Variants in ZCCHC9 observed in about 807,000 individuals in gnomAD.
The protein encoded by ZCCHC9 is zinc finger CCHC-type containing 9.
A neutral mutation model predicts 30.8 loss-of-function variants in ZCCHC9; 18 were observed. That is an observed-to-expected ratio of 0.58 (90% CI 0.40 to 0.87). The LOEUF is 0.87. Among genes scored for constraint, ZCCHC9 ranks in the 40% least tolerant of loss-of-function variants. The pLI is 0.00. For missense variants in ZCCHC9, 279 were observed against 331.2 expected, an observed-to-expected ratio of 0.84 and a Z score of 1.22; for synonymous variants, 94 against 106.7, an observed-to-expected ratio of 0.88 and a Z score of 0.73.
In ZCCHC9 at chr5:81,304,862, CCT is replaced by C; in HGVS notation, c.106_107del (p.Leu36ThrfsTer4). On this transcript the variant is annotated frameshift_variant, in exon 2 of 6. Coordinates refer to ENST00000407610, the MANE Select transcript of ZCCHC9 (RefSeq NM_001131035.2). LOFTEE classifies it high-confidence loss of function. ...GATCCTTTGAGGGAACAAGCCAAAA[CCT>C]ACCAAAGCGTAAACAACTTGAAGCC... ...KGSFEGTSQN[L>X]PKRKQLEANR... 5 of 1,614,104 alleles carry C rather than the reference CCT, an allele frequency of 3.1e-6. No homozygotes were observed. The highest frequency in any genetic ancestry group is 4.2e-6 in the Non-Finnish European group (5 of 1,180,020).
chr5:81,308,022 A>ATAT (rs571429540), intron 2 of ZCCHC9, among the ~76,000 whole-genome samples: 1 of 68,360 alleles, frequency 1.5e-5, no homozygotes, highest in Non-Finnish European at 2.8e-5. Flanking sequence ...AAAAAAAAAA[A>ATAT]ATCTATCTAT....
chr5:81,311,074 C>T, intron 4 of ZCCHC9, 137 bp from the exon 5 acceptor site: 1 of 807,762 alleles, frequency 1.2e-6, no homozygotes, highest in African/African-American at 1.7e-5. Flanking sequence ...AATAGTGGCA[C>T]CTCCCTATGA....
chr5:81,311,007 G>A (rs1430535746), intron 4 of ZCCHC9, among the ~76,000 whole-genome samples: 2 of 152,150 alleles, frequency 1.3e-5, no homozygotes, highest in Non-Finnish European at 2.9e-5. Context: ...AGAAGCAGTG[G>A]GTGGGTACAA....
At position 81,308,937 on chromosome 5, in the gene ZCCHC9, T is replaced by C; in HGVS notation, c.536-9T>C. The C allele has an allele frequency of 1.9e-6, 3 of 1,611,690 alleles. No homozygotes were observed. Among genetic ancestry groups the C allele is most frequent in the South Asian group, 1.1e-5 (1 of 90,394 alleles). On this transcript the variant is annotated splice_polypyrimidine_tract_variant and intron_variant, in intron 3 of 5. Coordinates refer to ENST00000407610, the MANE Select transcript of ZCCHC9 (RefSeq NM_001131035.2). Reference sequence around the variant, plus strand: ...TTGTCAACTGAATAGGAACTGTTGATTTTTACAGGCGAATTTCCTTTTGCA... The same window carrying C: ...TTGTCAACTGAATAGGAACTGTTGACTTTTACAGGCGAATTTCCTTTTGCA...
intron 2 of ZCCHC9, among the ~76,000 whole-genome samples, chr5:81,306,676 A>G (rs1002331969): frequency 6.6e-6 from 1 of 152,212 alleles, no homozygotes; most frequent in Non-Finnish European, 1.5e-5. Context: ...TATACTAAGC[A>G]TCGGTCCTTA....
intron 3 of ZCCHC9, 46 bp downstream of exon 3, chr5:81,308,757 A>C (rs747174475): frequency 1.1e-5 from 17 of 1,578,328 alleles, no homozygotes; most frequent in Non-Finnish European, 1.5e-5. Flanking sequence ...GGGAAAGCCA[A>C]TAAATAGCAC....
chr5:81,308,207 C>CCTTTAGAAA (rs1329679541), intron 2 of ZCCHC9, among the ~76,000 whole-genome samples: 1 of 151,962 alleles, frequency 6.6e-6, no homozygotes, highest in African/African-American at 2.4e-5. Context: ...TAGCCACTGT[C>CCTTTAGAAA]CATTTCCTAT....
chr5:81,308,988 G>A lies in ZCCHC9; in HGVS notation c.578G>A (p.Gly193Glu), dbSNP rs1487230637. Residue 193 changes from glycine to glutamate, a missense_variant, in exon 4 of 6, where the codon GGG (glycine) becomes GAG (glutamate). By Grantham distance (98) the Gly-to-Glu change is moderately conservative (BLOSUM62 -2). Transcript: ENST00000407610. ...FAKCFVCGEM[G>E]HLSRSCPDNP... ...AAATGTTTTGTTTGTGGAGAAATGG[G>A]GCACCTGTCTAGATCTTGTCCTGAT... 2 of 1,613,194 alleles carry A rather than the reference G, an allele frequency of 1.2e-6. No individual in the cohort carries two copies. Among genetic ancestry groups the A allele is most frequent in the Non-Finnish European group, 1.7e-6 (2 of 1,179,740 alleles).
At chr5:81,305,263 G>A (rs905833603) in intron 2 of ZCCHC9, 122 bp downstream of exon 2, 15 of 1,344,018 alleles carry the variant, frequency 1.1e-5, no homozygotes, top group African/African-American at 5.9e-5. Flanking sequence ...ATAGAGCATC[G>A]TTTTAAGGAC....
chr5:81,304,762 C>A lies in ZCCHC9; in HGVS notation c.5C>A (p.Thr2Asn). The A allele has an allele frequency of 6.4e-7, 1 of 1,572,496 alleles. No individual in the cohort carries two copies. The highest frequency in any genetic ancestry group is 8.6e-7 in the Non-Finnish European group (1 of 1,162,396). The change falls in exon 2 of 6, where the codon ACC becomes AAC. Residue 2 changes from threonine to asparagine, a missense_variant. Thr to Asn is a moderately conservative substitution (Grantham distance 65). Coordinates refer to ENST00000407610, the MANE Select transcript of ZCCHC9 (RefSeq NM_001131035.2). ...TAAGGTACCACTGATGAAATTATGACCAGGTGGGCCCGAGTTAGTACCACA... is the reference window on the plus strand; with the variant it reads ...TAAGGTACCACTGATGAAATTATGAACAGGTGGGCCCGAGTTAGTACCACA... Reference protein sequence around the residue: MTRWARVSTTYN... With the variant: MNRWARVSTTYN...
intron 1 of ZCCHC9, chr5:81,303,566 A>G: frequency 6.2e-6 from 1 of 160,754 alleles, no homozygotes; most frequent in Non-Finnish European, 1.3e-5. Flanking sequence ...CAGGGGCAGT[A>G]ACATGAATGG....
chr5:81,307,449 C>T (rs1174449280), intron 2 of ZCCHC9, among the ~76,000 whole-genome samples: 1 of 147,114 alleles, frequency 6.8e-6, no homozygotes, highest in African/African-American at 2.5e-5. Flanking sequence ...ATCAGGAGAT[C>T]GAGACCATCC....
At chr5:81,309,756 C>T (rs1180293874) in intron 4 of ZCCHC9, among the ~76,000 whole-genome samples, 2 of 152,200 alleles carry the variant, frequency 1.3e-5, no homozygotes, top group Non-Finnish European at 2.9e-5. Flanking sequence ...AAACTCTGAT[C>T]TCCGTTTCCT....
At position 81,304,931 on chromosome 5, in the gene ZCCHC9, T is replaced by C; in HGVS notation, c.174T>C (p.His58=). The C allele has an allele frequency of 6.2e-7, 1 of 1,613,138 alleles. No homozygotes were observed. Among genetic ancestry groups the C allele is most frequent in the Non-Finnish European group, 8.5e-7 (1 of 1,179,786 alleles). Residue 58 remains histidine (H), a synonymous_variant, in exon 2 of 6, where the codon CAT becomes CAC. Coordinates refer to ENST00000407610, the MANE Select transcript of ZCCHC9 (RefSeq NM_001131035.2). ...SLKNDAPQAK[H]KKNKKKKEYL... ...AAAATGATGCACCCCAAGCAAAACA[T>C]AAAAAGAACAAAAAGAAAAAAGAGT...
chr5:81,312,199 G>A (rs893205828), intron 5 of ZCCHC9, among the ~76,000 whole-genome samples: 2 of 152,170 alleles, frequency 1.3e-5, no homozygotes, highest in African/African-American at 4.8e-5. Context: ...GGAATCTTGT[G>A]CATTTAAAAC....
chr5:81,301,848 AGCTGTTGG>A, intron 1 of ZCCHC9, 150 bp downstream of exon 1: 1 of 152,388 alleles, frequency 6.6e-6, no homozygotes, highest in Non-Finnish European at 1.5e-5. Context: ...CGGCGACCTC[AGCTGTTGG>A]GCTCCGGCTG....
At chr5:81,310,381 CTTTATT>C (rs997392011) in intron 4 of ZCCHC9, among the ~76,000 whole-genome samples, 2 of 151,658 alleles carry the variant, frequency 1.3e-5, no homozygotes, top group African/African-American at 4.8e-5. Context: ...AGAATTAGTA[CTTTATT>C]TTTAAGAGGT....
chr5:81,304,309 G>A (rs1258370253), intron 1 of ZCCHC9: 2 of 154,286 alleles, frequency 1.3e-5, no homozygotes, highest in Admixed American at 6.4e-5. Flanking sequence ...TATGCAAATT[G>A]TTGCATTGAA....
chr5:81,311,096 C>A, intron 4 of ZCCHC9, 115 bp from the exon 5 acceptor site: 2 of 1,017,836 alleles, frequency 2.0e-6, no homozygotes, highest in Non-Finnish European at 3.1e-6. Context: ...CCTGGTCTAG[C>A]TACCTTTACA....
Sources: gnomAD v4.1 joint callset for allele counts (sites outside exome capture counted in the v4.1 genomes callset) on GRCh38, gnomAD v4.1.1 for gene constraint, MANE v1.5 for transcripts, NCBI Gene and HGNC (gene_info 2026-07-23, HGNC 2026-07-21) for gene names.